ZNF521: variants seen among roughly 807,000 people sequenced by gnomAD.
ZNF521 encodes zinc finger protein 521.
ZNF521 carries 14 observed loss-of-function variants against 105.5 expected under a neutral mutation model. That is an observed-to-expected ratio of 0.13 (90% CI 0.09 to 0.21). The LOEUF (loss-of-function observed/expected upper bound fraction) is 0.21. Among genes scored for constraint, ZNF521 ranks in the 10% least tolerant of loss-of-function variants. The probability of loss-of-function intolerance (pLI) is 1.00; values close to 1 mark genes in which losing one functional copy is unlikely to be tolerated. For synonymous variants in ZNF521, 635 were observed against 606.0 expected (o/e 1.05, Z -0.70); for missense variants, 1,233 against 1,629.7 (o/e 0.76, Z 4.19).
At chr18:25,247,471 A>T (rs535880615) in intron 3 of ZNF521, among the ~76,000 whole-genome samples, 7 of 152,342 alleles carry the variant, frequency 4.6e-5, no homozygotes, top group Middle Eastern at 6.8e-3. Context: ...GCTGCACATT[A>T]AAACTGCCTG....
At chr18:25,349,481 CA>C (rs1209511449) in intron 2 of ZNF521, among the ~76,000 whole-genome samples, 1 of 152,224 alleles carries the variant, frequency 6.6e-6, no homozygotes, top group Admixed American at 6.5e-5. Flanking sequence ...AGGAAAAAAG[CA>C]AGCGTTCCAA....
At chr18:25,160,631 T>C (rs1455278275) in intron 5 of ZNF521, among the ~76,000 whole-genome samples, 1 of 152,222 alleles carries the variant, frequency 6.6e-6, no homozygotes, top group Non-Finnish European at 1.5e-5. Flanking sequence ...TTCGCGCATA[T>C]GTGTTCTCTA....
intron 5 of ZNF521, among the ~76,000 whole-genome samples, chr18:25,187,347 G>A (rs1349042074): frequency 2.0e-5 from 3 of 151,938 alleles, no homozygotes; most frequent in African/African-American, 4.8e-5. Context: ...GAACTTAAAC[G>A]ATACAATTTC....
At chr18:25,294,216 C>A (rs1911194241) in intron 3 of ZNF521, among the ~76,000 whole-genome samples, 1 of 152,072 alleles carries the variant, frequency 6.6e-6, no homozygotes, top group African/African-American at 2.4e-5. Flanking sequence ...ATAAAAATTT[C>A]TTCATTTCTC....
At chr18:25,217,900 T>C (rs1354564715) in intron 4 of ZNF521, among the ~76,000 whole-genome samples, 3 of 152,176 alleles carry the variant, frequency 2.0e-5, no homozygotes, top group African/African-American at 4.8e-5. Context: ...TCTAGAATAG[T>C]TGATCTCCAA....
chr18:25,070,704 G>A (rs1412232442), intron 7 of ZNF521, among the ~76,000 whole-genome samples: 1 of 151,832 alleles, frequency 6.6e-6, no homozygotes, highest in Non-Finnish European at 1.5e-5. Context: ...ACATGCTAGT[G>A]GCATCTTCCC....
At chr18:25,273,169 G>A (rs1196613216) in intron 3 of ZNF521, among the ~76,000 whole-genome samples, 1 of 130,784 alleles carries the variant, frequency 7.6e-6, no homozygotes, top group East Asian at 2.5e-4. Context: ...GAAGGTTGCA[G>A]TGAGCCGAGA....
intron 3 of ZNF521, among the ~76,000 whole-genome samples, chr18:25,289,403 C>G (rs1025094318): frequency 6.6e-6 from 1 of 152,148 alleles, no homozygotes; most frequent in Non-Finnish European, 1.5e-5. Flanking sequence ...AGTGATTATG[C>G]GAACAGAACT....
At chr18:25,339,409 C>G (rs1423290168) in intron 2 of ZNF521, among the ~76,000 whole-genome samples, 1 of 152,212 alleles carries the variant, frequency 6.6e-6, no homozygotes, top group Non-Finnish European at 1.5e-5. Context: ...CAGAATCCTT[C>G]CCTGACCTCA....
intron 5 of ZNF521, among the ~76,000 whole-genome samples, chr18:25,113,569 T>A (rs1053668904): frequency 6.6e-6 from 1 of 152,060 alleles, no homozygotes; most frequent in Non-Finnish European, 1.5e-5. Context: ...GACAATCTGC[T>A]GTGAAGTAAA....
At chr18:25,128,208 T>C (rs1423735794) in intron 5 of ZNF521, among the ~76,000 whole-genome samples, 1 of 150,662 alleles carries the variant, frequency 6.6e-6, no homozygotes, top group Non-Finnish European at 1.5e-5. Context: ...GTCAAGAGAC[T>C]AAAGAAAAAA....
At chr18:25,103,129 T>C (rs967018706) in intron 5 of ZNF521, among the ~76,000 whole-genome samples, 3 of 151,940 alleles carry the variant, frequency 2.0e-5, no homozygotes, top group Non-Finnish European at 2.9e-5. Flanking sequence ...TAACTAGAGA[T>C]AGAGATATCT....
At chr18:25,129,807 AATG>A in intron 5 of ZNF521, among the ~76,000 whole-genome samples, 1 of 88,262 alleles carries the variant, frequency 1.1e-5, no homozygotes, top group East Asian at 4.3e-4. Flanking sequence ...TACCTGTCAG[AATG>A]ACTGATTTCC....
intron 3 of ZNF521, among the ~76,000 whole-genome samples, chr18:25,320,311 TACAGGCACGTGCC>T (rs1912868584): frequency 6.6e-6 from 1 of 152,150 alleles, no homozygotes; most frequent in African/African-American, 2.4e-5. Context: ...TAGCTGGGAT[TACAGGCACGTGCC>T]ACCACGCACG....
At chr18:25,333,023 GTATAGTATT>G (rs966638538) in intron 2 of ZNF521, among the ~76,000 whole-genome samples, 1 of 151,558 alleles carries the variant, frequency 6.6e-6, no homozygotes, top group African/African-American at 2.4e-5. Flanking sequence ...TTATATATTT[GTATAGTATT>G]TATGTATATA....
At chr18:25,266,801 T>C (rs958485801) in intron 3 of ZNF521, among the ~76,000 whole-genome samples, 31 of 152,174 alleles carry the variant, frequency 2.0e-4, no homozygotes, top group Admixed American at 1.5e-3. Flanking sequence ...ACCAGGGCCC[T>C]GGGTTTCAAG....
chr18:25,284,910 G>GCGCACACACACACACA (rs1555658165), intron 3 of ZNF521, among the ~76,000 whole-genome samples: 4 of 148,602 alleles, frequency 2.7e-5, no homozygotes, highest in African/African-American at 9.8e-5. Context: ...GTGCGCGCGC[G>GCGCACACACACACACA]CACACACACA....
intron 2 of ZNF521, among the ~76,000 whole-genome samples, chr18:25,331,233 A>G (rs183607563): frequency 1.8e-4 from 28 of 152,326 alleles, no homozygotes; most frequent in Non-Finnish European, 1.5e-5. Context: ...TCCATTTTAC[A>G]TAAGAAAGAT....
intron 7 of ZNF521, among the ~76,000 whole-genome samples, chr18:25,083,361 C>T (rs1034113768): frequency 1.3e-5 from 2 of 152,180 alleles, no homozygotes; most frequent in African/African-American, 4.8e-5. Flanking sequence ...ACAGAGAACT[C>T]AGGAAAGTTC....
Sources: allele counts gnomAD v4.1 joint callset (sites outside exome capture counted in the v4.1 genomes callset), GRCh38; gene constraint gnomAD v4.1.1; transcripts MANE v1.5; gene names NCBI Gene and HGNC (gene_info 2026-07-23, HGNC 2026-07-21).